The following RUVBL1 variants were observed in gnomAD, a reference collection of about 807,000 sequenced individuals.
The protein encoded by RUVBL1 is RuvB like AAA ATPase 1.
Under a neutral mutation model 52.4 loss-of-function variants are expected in RUVBL1, and 4 were observed. That is an observed-to-expected ratio of 0.08 (90% CI 0.04 to 0.17). RUVBL1 has a LOEUF of 0.17. Ranked by LOEUF, RUVBL1 falls within the 10% of genes least tolerant of loss-of-function variation. The pLI, the probability that RUVBL1 is intolerant of heterozygous loss-of-function variation, is 1.00. For synonymous variants in RUVBL1, 217 were observed against 214.4 expected (o/e 1.01, Z -0.10); for missense variants, 298 against 572.8 (o/e 0.52, Z 4.90).
chr3:128,081,412 AGAGT>A lies in RUVBL1; in HGVS notation c.1212-7_1212-4del. ...GGGTCAGCAGCTGCACTGAGTACCT[AGAGT>A]GGACAGGGGCCAGGGCTGGAGTGAA... On this transcript the variant is annotated splice_polypyrimidine_tract_variant and splice_region_variant and intron_variant, in intron 10 of 10. Coordinates refer to ENST00000322623, the MANE Select transcript of RUVBL1 (RefSeq NM_003707.3). This position sits in a 1 kb window ranked among gnomAD's most constrained non-coding sequence, Gnocchi z 4.8. 6.2e-7 allele frequency: 1 copy of A among 1,611,896 alleles called. No homozygotes were observed. The highest frequency in any genetic ancestry group is 1.1e-5 in the South Asian group (1 of 91,002).
chr3:128,135,399 G>A (rs749512488), intron 1 of RUVBL1, among the ~76,000 whole-genome samples: 10 of 152,074 alleles, frequency 6.6e-5, no homozygotes, highest in African/African-American at 1.7e-4. Flanking sequence ...CAGGTGTGGC[G>A]GCATGCACCT....
At chr3:128,125,264 C>G (rs1441765909), upstream of RUVBL1, among the ~76,000 whole-genome samples, 1 of 152,134 alleles carries the variant, frequency 6.6e-6, no homozygotes, top group Non-Finnish European at 1.5e-5. Flanking sequence ...ATCCGCCCGC[C>G]TCGGCCTCCC....
intron 4 of RUVBL1, among the ~76,000 whole-genome samples, chr3:128,102,671 G>C (rs906953226): frequency 6.6e-6 from 1 of 152,250 alleles, no homozygotes; most frequent in Non-Finnish European, 1.5e-5. Flanking sequence ...AGTTGCCGAG[G>C]GCTATAGTTG....
intron 1 of RUVBL1, among the ~76,000 whole-genome samples, chr3:128,120,903 C>T (rs1413824830): frequency 6.6e-6 from 1 of 151,818 alleles, no homozygotes; most frequent in African/African-American, 2.4e-5. Flanking sequence ...ATGGCGTGAA[C>T]CCAGGAGGCG....
intron 1 of RUVBL1, among the ~76,000 whole-genome samples, chr3:128,150,363 G>C (rs1012324992): frequency 6.6e-6 from 1 of 151,728 alleles, no homozygotes; most frequent in African/African-American, 2.4e-5. Flanking sequence ...TATCTCCTAA[G>C]CCCAGGCTAC....
At chr3:128,123,194 A>T (rs1943694585) in intron 1 of RUVBL1, among the ~76,000 whole-genome samples, 1 of 152,302 alleles carries the variant, frequency 6.6e-6, no homozygotes, top group East Asian at 1.9e-4. Context: ...TAAGATAATT[A>T]TTTTTATTTA....
chr3:128,067,968 G>A lies in RUVBL1; in HGVS notation c.940-2748C>T, dbSNP rs1942035132. On this transcript the variant is annotated intron_variant, in intron 9 of 9. Transcript: ENST00000464873. This position sits in a 1 kb window ranked among gnomAD's most constrained non-coding sequence, Gnocchi z 4.1. ...AGCCTCCAATTCCAACTTCTCCCCT[G>A]TGGGCACCCTGCAGGTTGCAAAGCA... is the stretch of plus-strand genomic sequence containing the variant. 1 of 1,612,544 alleles carries A rather than the reference G, an allele frequency of 6.2e-7. No homozygotes were observed. The highest frequency in any genetic ancestry group is 2.2e-5 in the East Asian group (1 of 44,862).
At chr3:128,126,164 C>T (rs2107725402), upstream of RUVBL1, among the ~76,000 whole-genome samples, 1 of 151,846 alleles carries the variant, frequency 6.6e-6, no homozygotes, top group South Asian at 2.1e-4. Flanking sequence ...GTGTAGGATA[C>T]CAGCTCCATG....
In RUVBL1 at chr3:128,119,311, TGA is replaced by T; in HGVS notation, c.228+15_228+16del. On this transcript the variant is annotated intron_variant, in intron 2 of 10. Transcript: ENST00000322623. ...CATTCTCCTGGGTAGATTTAAAAAA[TGA>T]GAGAAAATGAGTACCTTGCCAGTTC... is the stretch of plus-strand genomic sequence containing the variant. The T allele has an allele frequency of 6.2e-7, 1 of 1,603,280 alleles. No individual in the cohort carries two copies. Among genetic ancestry groups the T allele is most frequent in the Non-Finnish European group, 8.5e-7 (1 of 1,171,372 alleles).
intron 3 of RUVBL1, among the ~76,000 whole-genome samples, chr3:128,106,120 T>C (rs1228794761): frequency 3.3e-5 from 5 of 152,248 alleles, no homozygotes; most frequent in Admixed American, 1.3e-4. Context: ...CCTCAGGTGA[T>C]CCACCCACCT....
At chr3:128,118,285 C>T (rs954956642) in intron 2 of RUVBL1, among the ~76,000 whole-genome samples, 2 of 151,990 alleles carry the variant, frequency 1.3e-5, no homozygotes, top group Non-Finnish European at 2.9e-5. Flanking sequence ...AGAGAAAAAA[C>T]TGTTCACAAA....
At chr3:128,120,014 T>C (rs1233703746) in intron 1 of RUVBL1, among the ~76,000 whole-genome samples, 1 of 152,200 alleles carries the variant, frequency 6.6e-6, no homozygotes, top group Non-Finnish European at 1.5e-5. Flanking sequence ...CTATGTGTCA[T>C]GCTATGATTT....
rs1305541490 is a variant in RUVBL1 at position 128,067,971 on chromosome 3, G to T, written c.940-2751C>A. The T allele has an allele frequency of 6.2e-7, 1 of 1,612,346 alleles. No homozygotes were observed. On this transcript the variant is annotated intron_variant, in intron 9 of 9. Coordinates refer to the RUVBL1 transcript ENST00000464873. This position sits in a 1 kb window ranked among gnomAD's most constrained non-coding sequence, Gnocchi z 4.1. Reference sequence around the variant, plus strand: ...CTCCAATTCCAACTTCTCCCCTGTGGGCACCCTGCAGGTTGCAAAGCAGCT... The same window carrying T: ...CTCCAATTCCAACTTCTCCCCTGTGTGCACCCTGCAGGTTGCAAAGCAGCT...
chr3:128,124,843 A>C (rs1018382618), upstream of RUVBL1, among the ~76,000 whole-genome samples: 1 of 152,014 alleles, frequency 6.6e-6, no homozygotes, highest in South Asian at 2.1e-4. Flanking sequence ...CAAATAGGAG[A>C]GATTTCCTCA....
chr3:128,071,412 G>A, intron 9 of RUVBL1: 1 of 152,798 alleles, frequency 6.5e-6, no homozygotes, highest in Admixed American at 6.5e-5. Context: ...GCTTAGGAAT[G>A]CTTGGCCTCT....
At chr3:128,139,319 T>C (rs1943987551) in intron 1 of RUVBL1, among the ~76,000 whole-genome samples, 1 of 152,162 alleles carries the variant, frequency 6.6e-6, no homozygotes, top group Non-Finnish European at 1.5e-5. Flanking sequence ...ATAACCAGAA[T>C]ATATAAGGAG....
intron 9 of RUVBL1, chr3:128,084,031 T>A (rs1315859541): frequency 6.5e-6 from 1 of 152,720 alleles, no homozygotes; most frequent in Non-Finnish European, 1.5e-5. Context: ...TGAGCTGAGA[T>A]TGGGCCGTTG....
At chr3:128,104,657 T>C in intron 4 of RUVBL1, 116 bp downstream of exon 4, 1 of 827,726 alleles carries the variant, frequency 1.2e-6, no homozygotes, top group Non-Finnish European at 1.8e-6. Context: ...CTGTGAGAAA[T>C]CAATACCTGC....
intron 1 of RUVBL1, among the ~76,000 whole-genome samples, chr3:128,130,595 CAAAAAAA>C (rs71153121): frequency 2.5e-4 from 26 of 104,912 alleles, no homozygotes; most frequent in Non-Finnish European, 4.9e-4. Flanking sequence ...CCCATCTCTA[CAAAAAAA>C]AAAAAAAAAA....
Sources: gnomAD v4.1 joint callset for allele counts (sites outside exome capture counted in the v4.1 genomes callset) on GRCh38, gnomAD v4.1.1 for gene constraint, Gnocchi (gnomAD v3.1) non-coding constraint, MANE v1.5 for transcripts, NCBI Gene and HGNC (gene_info 2026-07-23, HGNC 2026-07-21) for gene names.